Variants in CENPP observed in about 807,000 individuals in gnomAD.
CENPP encodes the protein centromere protein P.
CENPP carries 24 observed loss-of-function variants against 35.6 expected under a neutral mutation model. The observed-to-expected ratio is 0.67, with a 90% confidence interval of 0.49 to 0.95. The LOEUF (loss-of-function observed/expected upper bound fraction) is 0.95, where lower values mean the gene tolerates loss of function less well. Ranked by LOEUF, CENPP falls within the 40% of genes least tolerant of loss-of-function variation. The pLI, the probability that CENPP is intolerant of heterozygous loss-of-function variation, is 0.00. For synonymous variants in CENPP, 120 were observed against 125.5 expected (o/e 0.96, Z 0.29); for missense variants, 332 against 345.3 (o/e 0.96, Z 0.31).
At chr9:92,374,607 T>C (rs1842084689) in intron 4 of CENPP, among the ~76,000 whole-genome samples, 1 of 152,230 alleles carries the variant, frequency 6.6e-6, no homozygotes, top group Non-Finnish European at 1.5e-5. Flanking sequence ...GCTTCTTATA[T>C]CTATGTTTCT....
chr9:92,384,635 C>T (rs756864145), intron 5 of CENPP: 1 of 152,058 alleles, frequency 6.6e-6, no homozygotes, highest in Non-Finnish European at 1.5e-5. Flanking sequence ...AAGTGTTACT[C>T]AGAAGCTTTA....
intron 5 of CENPP, among the ~76,000 whole-genome samples, chr9:92,602,217 A>T (rs2131387812): frequency 6.6e-6 from 1 of 152,348 alleles, no homozygotes; most frequent in South Asian, 2.1e-4. Flanking sequence ...GGAATAAACA[A>T]GTGACTGAGT....
chr9:92,468,801 T>G (rs772950731), intron 5 of CENPP, among the ~76,000 whole-genome samples: 2 of 151,952 alleles, frequency 1.3e-5, no homozygotes, highest in East Asian at 1.9e-4. Flanking sequence ...GGGCTTTCCC[T>G]CCATTGCTCT....
chr9:92,566,766 G>A (rs2131347794), intron 5 of CENPP, among the ~76,000 whole-genome samples: 2 of 152,290 alleles, frequency 1.3e-5, no homozygotes, highest in Middle Eastern at 6.8e-3. Flanking sequence ...CACTGTGGGA[G>A]TCTCAGAAGA....
intron 5 of CENPP, among the ~76,000 whole-genome samples, chr9:92,469,709 A>AC (rs1414347754): frequency 6.6e-6 from 1 of 152,162 alleles, no homozygotes; most frequent in East Asian, 1.9e-4. Context: ...ATGATACAGA[A>AC]CCAGAGCTCT....
intron 1 of CENPP, among the ~76,000 whole-genome samples, chr9:92,328,818 A>G (rs1216471022): frequency 2.0e-5 from 3 of 152,264 alleles, no homozygotes; most frequent in East Asian, 3.8e-4. Flanking sequence ...AATAACTGCT[A>G]TGAATAAGAA....
chr9:92,391,895 A>T (rs924522369), intron 5 of CENPP, among the ~76,000 whole-genome samples: 1 of 152,174 alleles, frequency 6.6e-6, no homozygotes, highest in East Asian at 1.9e-4. Context: ...ACAAATATGG[A>T]ATCCACAAAT....
intron 2 of CENPP, among the ~76,000 whole-genome samples, chr9:92,335,589 T>TG (rs917037086): frequency 2.6e-4 from 39 of 151,896 alleles, no homozygotes; most frequent in Non-Finnish European, 5.4e-4. Flanking sequence ...TCTTTTTTTT[T>TG]TTTGTTTTGC....
At chr9:92,511,286 C>G (rs1213478802) in intron 5 of CENPP, among the ~76,000 whole-genome samples, 1 of 151,978 alleles carries the variant, frequency 6.6e-6, no homozygotes, top group African/African-American at 2.4e-5. Context: ...CCACCACGCT[C>G]GGCTAATTTT....
At chr9:92,429,988 G>A (rs1844063798) in intron 5 of CENPP, among the ~76,000 whole-genome samples, 1 of 152,024 alleles carries the variant, frequency 6.6e-6, no homozygotes, top group Non-Finnish European at 1.5e-5. Flanking sequence ...CTTTTATAAG[G>A]GACTGCATAT....
chr9:92,385,603 T>C, intron 5 of CENPP: 4 of 1,607,464 alleles, frequency 2.5e-6, no homozygotes, highest in South Asian at 2.2e-5. Context: ...TTCATTTATA[T>C]GTTGTACCAA....
intron 5 of CENPP, among the ~76,000 whole-genome samples, chr9:92,513,658 A>G (rs1847501907): frequency 6.6e-6 from 1 of 152,216 alleles, no homozygotes; most frequent in Non-Finnish European, 1.5e-5. Flanking sequence ...GCTTTCAAAA[A>G]CATTAGAAGC....
intron 5 of CENPP, among the ~76,000 whole-genome samples, chr9:92,448,421 C>G (rs1167116386): frequency 6.6e-6 from 1 of 151,998 alleles, no homozygotes; most frequent in Non-Finnish European, 1.5e-5. Context: ...AGGTGCCCAC[C>G]ACTATGCCCA....
chr9:92,556,155 T>C (rs1409269160), intron 5 of CENPP, among the ~76,000 whole-genome samples: 1 of 152,232 alleles, frequency 6.6e-6, no homozygotes, highest in Non-Finnish European at 1.5e-5. Flanking sequence ...CTAATGCTCA[T>C]TCAGGAGCAG....
At chr9:92,462,289 A>G (rs763707112) in intron 5 of CENPP, among the ~76,000 whole-genome samples, 1 of 152,118 alleles carries the variant, frequency 6.6e-6, no homozygotes, top group Non-Finnish European at 1.5e-5. Flanking sequence ...TATTCTTTCA[A>G]TTAGCAGTAG....
chr9:92,435,878 C>T (rs1844234120), intron 5 of CENPP, among the ~76,000 whole-genome samples: 1 of 152,208 alleles, frequency 6.6e-6, no homozygotes, highest in Non-Finnish European at 1.5e-5. Flanking sequence ...CATTCATGTA[C>T]AGGTTTTTGT....
At chr9:92,377,950 C>T (rs971177575) in intron 4 of CENPP, among the ~76,000 whole-genome samples, 4 of 152,164 alleles carry the variant, frequency 2.6e-5, no homozygotes, top group African/African-American at 9.7e-5. Flanking sequence ...GAAGGCTCCT[C>T]TTCTCTGATT....
rs1841978109 is a variant in CENPP, at chr9:92,370,242, A to G, written c.468-9521A>G. On this transcript the variant is annotated intron_variant, in intron 4 of 7. Transcript: ENST00000375587. ...CTAGTTACTTTGTTGAAGATTTTGC[A>G]TCTGTGTTCATCAGGAATATGGGCC... Among the ~76,000 whole-genome samples the G allele has an allele frequency of 2.6e-5, 4 of 152,134 alleles. No homozygotes were observed. In the South Asian group the frequency reaches 8.3e-4, roughly 31 times the overall value.
chr9:92,581,578 T>C (rs1850426888), intron 5 of CENPP, among the ~76,000 whole-genome samples: 1 of 152,146 alleles, frequency 6.6e-6, no homozygotes, highest in Non-Finnish European at 1.5e-5. Flanking sequence ...AATAGCATAC[T>C]TCCTATACCC....
Sources: gnomAD v4.1 joint callset for allele counts (sites outside exome capture counted in the v4.1 genomes callset) on GRCh38, gnomAD v4.1.1 for gene constraint, MANE v1.5 for transcripts, NCBI Gene and HGNC (gene_info 2026-07-23, HGNC 2026-07-21) for gene names.